The following WDR4 variants were observed in gnomAD, a reference collection of about 807,000 sequenced individuals.
The protein encoded by WDR4 is tRNA (guanine-N(7)-)-methyltransferase non-catalytic subunit WDR4.
Under a neutral mutation model 48.6 loss-of-function variants are expected in WDR4, and 47 were observed. The ratio of observed to expected loss-of-function variants is 0.97; its 90% CI spans 0.77 to 1.23. WDR4 has a LOEUF of 1.23. WDR4 is among the 50% of genes most tolerant of loss of function. WDR4 has a pLI of 0.00. For missense variants in WDR4, 606 were observed against 551.6 expected (o/e 1.10, Z -0.99); for synonymous variants, 268 against 230.0 (o/e 1.17, Z -1.49).
downstream of WDR4, among the ~76,000 whole-genome samples, chr21:42,848,424 C>T (rs996272186): frequency 2.4e-5 from 3 of 126,228 alleles, no homozygotes; most frequent in African/African-American, 9.4e-5. Context: ...CTCACTCACA[C>T]AGCGCACAAT....
chr21:42,868,543 A>G (rs2058299870), intron 3 of WDR4, among the ~76,000 whole-genome samples: 1 of 152,122 alleles, frequency 6.6e-6, no homozygotes, highest in East Asian at 1.9e-4. Context: ...TACTCCTCAA[A>G]TGGTGTCTGG....
At chr21:42,869,932 G>A (rs1216693879) in intron 3 of WDR4, among the ~76,000 whole-genome samples, 3 of 151,468 alleles carry the variant, frequency 2.0e-5, no homozygotes, top group Admixed American at 6.6e-5. Flanking sequence ...AGAATCACTT[G>A]AACCCAGGAG....
intron 10 of WDR4, among the ~76,000 whole-genome samples, chr21:42,851,417 G>A (rs1241389960): frequency 1.3e-5 from 2 of 152,204 alleles, no homozygotes; most frequent in East Asian, 3.9e-4. Context: ...GAAGGCGGCT[G>A]GGCCCCAATC....
At chr21:42,852,949 A>G (rs960001473) in intron 9 of WDR4, among the ~76,000 whole-genome samples, 3 of 151,584 alleles carry the variant, frequency 2.0e-5, no homozygotes, top group East Asian at 3.9e-4. Context: ...AAAGTGCTCA[A>G]CTGAGCTTTG....
chr21:42,848,666 G>A (rs1369231591), downstream of WDR4, among the ~76,000 whole-genome samples: 6 of 103,022 alleles, frequency 5.8e-5, no homozygotes, highest in Admixed American at 2.3e-4. Context: ...ATCACGCGGC[G>A]CGCACCTCAC....
intron 3 of WDR4, among the ~76,000 whole-genome samples, chr21:42,867,475 C>T (rs2058274845): frequency 6.6e-6 from 1 of 151,908 alleles, no homozygotes; most frequent in South Asian, 2.1e-4. Context: ...TCACATGCTG[C>T]AGGCTGCCCA....
intron 7 of WDR4, 103 bp downstream of exon 7, chr21:42,855,579 G>A (rs537568403): frequency 1.2e-6 from 1 of 845,868 alleles, no homozygotes; most frequent in East Asian, 2.8e-5. Context: ...GTCTGGCATT[G>A]AGAGCAAACG....
intron 1 of WDR4, 86 bp downstream of exon 1, chr21:42,879,321 C>T: frequency 5.1e-6 from 8 of 1,556,424 alleles, no homozygotes; most frequent in Non-Finnish European, 5.2e-6. Flanking sequence ...TGGGTGCGAC[C>T]AGGCGGTGCG....
intron 9 of WDR4, among the ~76,000 whole-genome samples, chr21:42,852,767 T>A (rs1186940623): frequency 6.6e-6 from 1 of 151,732 alleles, no homozygotes; most frequent in African/African-American, 2.4e-5. Context: ...AATACAAAAT[T>A]AGCCGGGTGT....
chr21:42,865,720 C>T (rs563568807), intron 3 of WDR4, among the ~76,000 whole-genome samples: 2 of 152,060 alleles, frequency 1.3e-5, no homozygotes, highest in South Asian at 4.2e-4. Context: ...CAACCCCGCC[C>T]GCCCTCCAAC....
intron 9 of WDR4, 114 bp downstream of exon 9, chr21:42,853,455 G>T: frequency 8.2e-7 from 1 of 1,221,626 alleles, no homozygotes; most frequent in Non-Finnish European, 1.1e-6. Flanking sequence ...GGCCCCAGAA[G>T]TGGCTGAGTT....
chr21:42,843,169 GCTC>G (rs2057680995), exon 12 of WDR4: 1 of 152,154 alleles, frequency 6.6e-6, no homozygotes, highest in Non-Finnish European at 1.5e-5. Flanking sequence ...AATCACAGAT[GCTC>G]CTCGACTTAC....
At chr21:42,885,455 A>T in the WDR4 span, among the ~76,000 whole-genome samples, 1 of 152,066 alleles carries the variant, frequency 6.6e-6, no homozygotes, top group Non-Finnish European at 1.5e-5. Flanking sequence ...TACTAAAAAT[A>T]CAAAATTAGC....
intron 1 of WDR4, chr21:42,878,957 G>C (rs903473022): frequency 6.0e-6 from 6 of 991,858 alleles, no homozygotes; most frequent in Non-Finnish European, 7.2e-6. Context: ...TTGGAGGTCA[G>C]TGAGCTCGCA....
At chr21:42,856,736 G>T (rs2058001805) in intron 6 of WDR4, among the ~76,000 whole-genome samples, 1 of 151,892 alleles carries the variant, frequency 6.6e-6, no homozygotes, top group African/African-American at 2.4e-5. Flanking sequence ...ATATCCTCTG[G>T]GTGCCGAGGT....
chr21:42,850,107 G>C lies in WDR4; in HGVS notation c.1181C>G (p.Pro394Arg). 6.2e-7 allele frequency: 1 copy of C among 1,614,130 alleles called. No homozygotes were observed. The highest frequency in any genetic ancestry group is 8.5e-7 in the Non-Finnish European group (1 of 1,179,994). ...EKKQRRRSPP[P>R]GPDGHAKKMR... ...CTTCTTGGCATGCCCGTCGGGCCCA[G>C]GCGGGGGACTCCGGCGCCGCTGCTT... Residue 394 changes from proline to arginine, a missense_variant, in exon 11 of 11, where the codon CCT (proline) becomes CGT (arginine). Pro to Arg is a moderately radical substitution (Grantham distance 103, BLOSUM62 -2). Transcript: ENST00000398208.
chr21:42,874,790 G>A (rs8132788), intron 2 of WDR4, among the ~76,000 whole-genome samples: 91,207 of 151,758 alleles, frequency 0.6, 28,188 homozygotes, highest in African/African-American at 0.72. Flanking sequence ...ATCAATGACA[G>A]TGGTGCCCGA....
At chr21:42,859,593 A>AAGC in intron 6 of WDR4, 69 bp downstream of exon 6, 1 of 553,760 alleles carries the variant, frequency 1.8e-6, no homozygotes, top group Non-Finnish European at 3.1e-6. Flanking sequence ...CAGGTCCAGG[A>AAGC]GGCGCCCACC....
At chr21:42,878,075 T>G (rs1332137714) in intron 1 of WDR4, among the ~76,000 whole-genome samples, 1 of 151,774 alleles carries the variant, frequency 6.6e-6, no homozygotes, top group Non-Finnish European at 1.5e-5. Flanking sequence ...AGAAATTATG[T>G]TCTGATACTG....
Sources: allele counts gnomAD v4.1 joint callset (sites outside exome capture counted in the v4.1 genomes callset), GRCh38; gene constraint gnomAD v4.1.1; transcripts MANE v1.5; gene names NCBI Gene and HGNC (gene_info 2026-07-23, HGNC 2026-07-21).